PTPRN2: variants seen among roughly 807,000 people sequenced by gnomAD.
PTPRN2 encodes the protein receptor-type tyrosine-protein phosphatase N2.
A neutral mutation model predicts 118.8 loss-of-function variants in PTPRN2; 74 were observed. The observed-to-expected ratio is 0.62, with a 90% confidence interval of 0.52 to 0.76. The LOEUF (loss-of-function observed/expected upper bound fraction) is 0.76. Ranked by LOEUF, PTPRN2 falls within the 30% of genes least tolerant of loss-of-function variation. PTPRN2 has a pLI of 0.00. For missense variants in PTPRN2, 1,481 were observed against 1,394.4 expected, an observed-to-expected ratio of 1.06 and a Z score of -0.99; for synonymous variants, 641 against 608.0, an observed-to-expected ratio of 1.05 and a Z score of -0.80.
intron 15 of PTPRN2, among the ~76,000 whole-genome samples, chr7:157,614,648 C>T (rs973262399): frequency 6.6e-6 from 1 of 152,106 alleles, no homozygotes. Flanking sequence ...CCCTGTGTGA[C>T]GACCCCAACC....
chr7:157,636,502 C>T (rs1269162752), intron 14 of PTPRN2, among the ~76,000 whole-genome samples: 1 of 152,186 alleles, frequency 6.6e-6, no homozygotes, highest in Non-Finnish European at 1.5e-5. Context: ...AAAATTAATT[C>T]AGTCTTATAA....
Position 157,753,429 on chromosome 7 carries a change from C to A in PTPRN2, c.1789-70492G>T, listed in dbSNP as rs1230100261. Among the ~76,000 whole-genome samples the A allele has an allele frequency of 3.3e-5, 5 of 152,278 alleles. No individual in the cohort carries two copies. In the East Asian group the frequency reaches 9.7e-4, roughly 29 times the overall value. ...AGCCTCCTGTGCTATCAGAACACAG[C>A]CCCAGACACAAAGCCCATTACAAAG... is the stretch of plus-strand genomic sequence containing the variant. On this transcript the variant is annotated intron_variant, in intron 12 of 22. Coordinates refer to ENST00000389418, the MANE Select transcript of PTPRN2 (RefSeq NM_002847.5).
At chr7:158,149,142 G>A (rs199512757) in intron 6 of PTPRN2, among the ~76,000 whole-genome samples, 4,679 of 45,408 alleles carry the variant, frequency 0.1, 3 homozygotes, top group Non-Finnish European at 0.12. Flanking sequence ...CTCACGCCAC[G>A]TGTCTTTCCC....
intron 2 of PTPRN2, among the ~76,000 whole-genome samples, chr7:158,393,958 C>G (rs1011349864): frequency 6.6e-6 from 1 of 151,934 alleles, no homozygotes; most frequent in African/African-American, 2.4e-5. Flanking sequence ...CCCTTCATCT[C>G]TCACCCCTTA....
At chr7:158,429,430 T>C (rs1393832289) in intron 2 of PTPRN2, among the ~76,000 whole-genome samples, 3 of 152,244 alleles carry the variant, frequency 2.0e-5, no homozygotes, top group African/African-American at 7.2e-5. Flanking sequence ...AGGCACTCTC[T>C]GCACCACCCA....
rs1050398071 is a variant in PTPRN2 at position 158,495,885 on chromosome 7, T to C, written c.113-6100A>G. 2.0e-5 allele frequency among the ~76,000 whole-genome samples: 3 copies of C among 152,050 alleles called. No individual in the cohort carries two copies. In the East Asian group the frequency reaches 5.8e-4, roughly 30 times the overall value. ...CCCAAGGCTCAAATGAAAGCTGTGATTGCAATTTCAAAGACAAAAGGAAGA... is the reference window on the plus strand; with the variant it reads ...CCCAAGGCTCAAATGAAAGCTGTGACTGCAATTTCAAAGACAAAAGGAAGA... On this transcript the variant is annotated intron_variant, in intron 1 of 22. Coordinates refer to ENST00000389418, the MANE Select transcript of PTPRN2 (RefSeq NM_002847.5).
Position 157,595,379 on chromosome 7 carries a change from G to T in PTPRN2, c.2419-64C>A, listed in dbSNP as rs1243592770. 12 of 1,479,116 alleles carry T rather than the reference G, an allele frequency of 8.1e-6. No homozygotes were observed. The African/African-American group carries it at 8.4e-5, about 10-fold the overall frequency. The allele number at this position is 1,479,116 out of a possible 1,614,324, so 91.6% of individuals were successfully genotyped here. ...GATTAGGAAGCCTGGAGGTTAGGAA[G>T]CCTGGAGGTTAGGAAGCCAGAAGGT... On this transcript the variant is annotated intron_variant, in intron 16 of 22. Transcript: ENST00000389418.
At chr7:158,188,161 T>TGGGAAGGCTGCCACGCTCGCCCCGCGATG (rs1825342095) in intron 5 of PTPRN2, among the ~76,000 whole-genome samples, 1 of 111,044 alleles carries the variant, frequency 9.0e-6, no homozygotes, top group African/African-American at 3.3e-5. Context: ...CCCCCTGTAC[T>TGGGAAGGCTGCCACGCTCGCCCCGCGATG]GGGAAGGCCG....
chr7:158,556,322 G>A (rs1243055997), intron 1 of PTPRN2, among the ~76,000 whole-genome samples: 1 of 152,196 alleles, frequency 6.6e-6, no homozygotes, highest in Non-Finnish European at 1.5e-5. Flanking sequence ...GGGAGGCCGA[G>A]GCGGGCAGAT....
intron 21 of PTPRN2, among the ~76,000 whole-genome samples, chr7:157,568,261 C>T (rs1198779051): frequency 6.6e-6 from 1 of 152,172 alleles, no homozygotes; most frequent in Admixed American, 6.5e-5. Flanking sequence ...CGCATGCTGC[C>T]GCTCTGCCAA....
chr7:158,055,360 C>G (rs1168732340), intron 11 of PTPRN2, among the ~76,000 whole-genome samples: 1 of 152,138 alleles, frequency 6.6e-6, no homozygotes, highest in African/African-American at 2.4e-5. Flanking sequence ...GGACCGTGGT[C>G]AAGCGGTAGC....
At chr7:157,696,668 C>T (rs933438850) in intron 12 of PTPRN2, among the ~76,000 whole-genome samples, 7 of 150,270 alleles carry the variant, frequency 4.7e-5, no homozygotes, top group Non-Finnish European at 7.4e-5. Flanking sequence ...TCTACCTATG[C>T]ATACTGGATC....
intron 5 of PTPRN2, among the ~76,000 whole-genome samples, chr7:158,190,559 G>C (rs909646531): frequency 6.6e-6 from 1 of 152,140 alleles, no homozygotes; most frequent in South Asian, 2.1e-4. Context: ...TTCATTGTGA[G>C]CCTAACCTTA....
Position 157,632,730 on chromosome 7 carries a change from A to G in PTPRN2, c.2197-11221T>C, listed in dbSNP as rs1470156803. Among the ~76,000 whole-genome samples the G allele has an allele frequency of 2.0e-5, 3 of 152,338 alleles. No homozygotes were observed. The highest frequency in any genetic ancestry group is 2.4e-5 in the African/African-American group (1 of 41,564). ...GAAGCGCAAAGAATTTTAAATGAAC[A>G]ATTTTATGAATCTTATTATCTTATT... On this transcript the variant is annotated intron_variant, in intron 14 of 22. Coordinates refer to ENST00000389418, the MANE Select transcript of PTPRN2 (RefSeq NM_002847.5). The surrounding 1 kb of genome is among the most constrained non-coding windows in gnomAD (Gnocchi z 4.3).
chr7:157,878,247 C>G (rs1795901701), intron 12 of PTPRN2, among the ~76,000 whole-genome samples: 1 of 152,246 alleles, frequency 6.6e-6, no homozygotes, highest in African/African-American at 2.4e-5. Flanking sequence ...GAGCACGGAC[C>G]CTGAGGCTCC....
intron 12 of PTPRN2, among the ~76,000 whole-genome samples, chr7:157,742,543 T>C (rs1470127190): frequency 6.6e-6 from 1 of 151,458 alleles, no homozygotes; most frequent in African/African-American, 2.4e-5. Flanking sequence ...GAGTAAACGA[T>C]GAATGTGGAT....
intron 13 of PTPRN2, among the ~76,000 whole-genome samples, chr7:157,679,218 TC>T (rs1365299976): frequency 6.6e-6 from 1 of 152,172 alleles, no homozygotes; most frequent in Non-Finnish European, 1.5e-5. Context: ...TCCAAATATA[TC>T]ATGTTTTATC....
At position 158,282,495 on chromosome 7, in the gene PTPRN2, G is replaced by C. The variant is rs760656898; in HGVS notation, c.277+34324C>G. On this transcript the variant is annotated intron_variant, in intron 3 of 22. Coordinates refer to ENST00000389418, the MANE Select transcript of PTPRN2 (RefSeq NM_002847.5). ...GTCCACAGCCAGGAAGCCGCGGGCA[G>C]AGCAGCGGGGTCGAGGCTGCGGCTG... 1.7e-4 allele frequency among the ~76,000 whole-genome samples: 26 copies of C among 152,338 alleles called. 1 individual carries two copies. The Middle Eastern group carries it at 0.01, about 60-fold the overall frequency.
At chr7:158,004,949 T>A (rs1202469040) in intron 11 of PTPRN2, among the ~76,000 whole-genome samples, 2 of 152,150 alleles carry the variant, frequency 1.3e-5, no homozygotes, top group East Asian at 3.8e-4. Context: ...AATAGATACA[T>A]AAACAGTAAG....
Sources: gnomAD v4.1 joint callset for allele counts (sites outside exome capture counted in the v4.1 genomes callset) on GRCh38, gnomAD v4.1.1 for gene constraint, Gnocchi (gnomAD v3.1) non-coding constraint, MANE v1.5 for transcripts, NCBI Gene and HGNC (gene_info 2026-07-23, HGNC 2026-07-21) for gene names.